GSR: variants seen among roughly 807,000 people sequenced by gnomAD.
The protein encoded by GSR is glutathione reductase, mitochondrial.
Under a neutral mutation model 56.5 loss-of-function variants are expected in GSR, and 48 were observed. The observed-to-expected ratio is 0.85, with a 90% CI of 0.67 to 1.08. GSR has a LOEUF of 1.08. Among genes scored for constraint, GSR ranks in the 50% least tolerant of loss-of-function variants. The probability of loss-of-function intolerance (pLI) is 0.00; values close to 1 mark genes in which losing one functional copy is unlikely to be tolerated. For synonymous variants in GSR, 264 were observed against 270.8 expected, an observed-to-expected ratio of 0.97 and a Z score of 0.25; for missense variants, 694 against 703.3, an observed-to-expected ratio of 0.99 and a Z score of 0.15.
At chr8:30,693,076 G>A in intron 7 of GSR, 21 bp from the exon 8 acceptor site, 1 of 1,466,356 alleles carries the variant, frequency 6.8e-7, no homozygotes. Flanking sequence ...ACATAGGGAT[G>A]GGTAATGCGA....
intron 1 of GSR, among the ~76,000 whole-genome samples, chr8:30,714,448 G>A (rs55838725): frequency 1.3e-5 from 2 of 151,230 alleles, no homozygotes; most frequent in Non-Finnish European, 1.5e-5. Context: ...TGATCCACCC[G>A]CCTTGGCATC....
intron 5 of GSR, among the ~76,000 whole-genome samples, chr8:30,700,624 T>TGAGG (rs1324963848): frequency 2.0e-5 from 3 of 148,192 alleles, no homozygotes; most frequent in African/African-American, 7.5e-5. Context: ...CTTGGGAGGC[T>TGAGG]GAGGCAGGAG....
At chr8:30,684,928 CATTTATTTATTTATTTATTTATTTATTT>C (rs57141426) in intron 9 of GSR, among the ~76,000 whole-genome samples, 2,791 of 133,846 alleles carry the variant, frequency 0.021, 103 homozygotes, top group African/African-American at 0.073. Context: ...TTTTAACATA[CATTTATTTATTTATTTATTTATTTATTT>C]ATTTATTTAT....
At chr8:30,702,261 A>C (rs568738995) in intron 5 of GSR, among the ~76,000 whole-genome samples, 1 of 151,974 alleles carries the variant, frequency 6.6e-6, no homozygotes, top group Non-Finnish European at 1.5e-5. Context: ...TGGAGGTTGC[A>C]GTGAGCTGAG....
At chr8:30,685,985 C>CAAAAAAAAA (rs71206274) in intron 9 of GSR, among the ~76,000 whole-genome samples, 36 of 37,234 alleles carry the variant, frequency 9.7e-4, no homozygotes, top group African/African-American at 1.9e-3. Context: ...GACTCTGCCT[C>CAAAAAAAAA]AAAAAAAAAA....
chr8:30,716,918 A>AT (rs1172213592), intron 1 of GSR, among the ~76,000 whole-genome samples: 51 of 146,660 alleles, frequency 3.5e-4, no homozygotes, highest in East Asian at 4.0e-4. Flanking sequence ...TTCCCCCCAA[A>AT]TTTTTTTTTT....
At chr8:30,715,027 A>G (rs8190925) in intron 1 of GSR, among the ~76,000 whole-genome samples, 9,505 of 152,138 alleles carry the variant, frequency 0.062, 361 homozygotes, top group South Asian at 0.17. Flanking sequence ...TGTAATCCCC[A>G]CGCTTTGGGA....
At chr8:30,688,907 A>G (rs926987652) in intron 9 of GSR, among the ~76,000 whole-genome samples, 1 of 152,128 alleles carries the variant, frequency 6.6e-6, no homozygotes, top group African/African-American at 2.4e-5. Context: ...TGGGTGACAG[A>G]GCAAGACCTT....
chr8:30,684,972 TATTTATTTATTTATTG>T (rs1563526890), intron 9 of GSR, among the ~76,000 whole-genome samples: 1 of 104,562 alleles, frequency 9.6e-6, no homozygotes, highest in South Asian at 3.2e-4. Context: ...TTTATTTATT[TATTTATTTATTTATTG>T]AGATGGAGTC....
intron 6 of GSR, among the ~76,000 whole-genome samples, chr8:30,697,133 A>G (rs1803570785): frequency 6.6e-6 from 1 of 152,136 alleles, no homozygotes; most frequent in African/African-American, 2.4e-5. Context: ...CATAAAAGTA[A>G]GGCCAGGCAC....
chr8:30,721,693 T>A (rs73578902), intron 1 of GSR, among the ~76,000 whole-genome samples: 47 of 151,362 alleles, frequency 3.1e-4, no homozygotes, highest in African/African-American at 9.9e-4. Context: ...AGTATTTCCA[T>A]ATCATTCCTT....
At chr8:30,702,326 A>C (rs960189800) in intron 5 of GSR, among the ~76,000 whole-genome samples, 1 of 151,450 alleles carries the variant, frequency 6.6e-6, no homozygotes, top group African/African-American at 2.4e-5. Flanking sequence ...TCTCTAAATA[A>C]ATAAATAAAT....
intron 8 of GSR, among the ~76,000 whole-genome samples, chr8:30,690,070 A>G (rs905226052): frequency 6.9e-6 from 1 of 143,970 alleles, no homozygotes; most frequent in Non-Finnish European, 1.5e-5. Context: ...TAAATAAAAT[A>G]TACATATATA....
intron 1 of GSR, among the ~76,000 whole-genome samples, chr8:30,716,910 C>T (rs1439410837): frequency 2.6e-5 from 4 of 152,040 alleles, no homozygotes; most frequent in Admixed American, 6.6e-5. Context: ...CCTTCTCTTT[C>T]CCCCCAAATT....
chr8:30,725,837 G>C (rs1804704360), intron 1 of GSR, among the ~76,000 whole-genome samples: 2 of 142,420 alleles, frequency 1.4e-5, no homozygotes, highest in Non-Finnish European at 3.0e-5. Context: ...AGCCCAGATT[G>C]CACCACTGTA....
At chr8:30,711,580 C>T (rs925743039) in intron 2 of GSR, among the ~76,000 whole-genome samples, 2 of 152,116 alleles carry the variant, frequency 1.3e-5, no homozygotes, top group Admixed American at 1.3e-4. Flanking sequence ...GCCTATAATC[C>T]CAGCATTTTG....
chr8:30,680,453 A>G (rs1802912037), intron 12 of GSR, among the ~76,000 whole-genome samples: 2 of 126,356 alleles, frequency 1.6e-5, no homozygotes, highest in Non-Finnish European at 3.1e-5. Context: ...GGAGGGCAGT[A>G]GCATGATCTT....
chr8:30,700,210 A>G, intron 5 of GSR, 75 bp from the exon 6 acceptor site: 1 of 1,076,356 alleles, frequency 9.3e-7, no homozygotes, highest in South Asian at 1.2e-5. Flanking sequence ...ATTTTATGCC[A>G]AAAACCAAAC....
At chr8:30,698,887 T>C (rs1803634820) in intron 6 of GSR, among the ~76,000 whole-genome samples, 3 of 152,132 alleles carry the variant, frequency 2.0e-5, no homozygotes, top group African/African-American at 7.2e-5. Context: ...AGGCATCACC[T>C]CTTCTCACAA....
Sources: gnomAD v4.1 joint callset for allele counts (sites outside exome capture counted in the v4.1 genomes callset) on GRCh38, gnomAD v4.1.1 for gene constraint, MANE v1.5 for transcripts, NCBI Gene and HGNC (gene_info 2026-07-23, HGNC 2026-07-21) for gene names.